The following RYR1 variants were observed in gnomAD, a reference collection of about 807,000 sequenced individuals.
The protein encoded by RYR1 is central core disease of muscle.
A neutral mutation model predicts 583.5 loss-of-function variants in RYR1; 342 were observed. That is an observed-to-expected ratio of 0.59 (90% CI 0.54 to 0.64). RYR1 has a LOEUF of 0.64. Ranked by LOEUF, RYR1 falls within the 30% of genes least tolerant of loss-of-function variation. The pLI is 0.00. For missense variants in RYR1, 6,032 were observed against 6,917.2 expected (o/e 0.87, Z 4.54); for synonymous variants, 2,791 against 2,822.5 (o/e 0.99, Z 0.35).
intron 34 of RYR1, among the ~76,000 whole-genome samples, chr19:38,487,650 G>T (rs772410662): frequency 2.0e-5 from 3 of 150,294 alleles, no homozygotes; most frequent in Non-Finnish European, 3.0e-5. Flanking sequence ...CCGTGTCCAG[G>T]CAAGACAGGG....
intron 90 of RYR1, 91 bp from the exon 91 acceptor site, chr19:38,564,868 G>T (rs551310799): frequency 2.6e-6 from 4 of 1,525,984 alleles, no homozygotes; most frequent in Admixed American, 2.0e-5. Context: ...AGCGCCTGCC[G>T]CGGTGACCCC....
In RYR1 at chr19:38,561,030, G is replaced by A. The variant is rs1292645780; in HGVS notation, c.12283-83G>A. ...CACTCCAGCCTGGGCGACACAGCGAGACCTTGTCTTAAAAAAAAAAAAAAA... is the reference window on the plus strand; with the variant it reads ...CACTCCAGCCTGGGCGACACAGCGAAACCTTGTCTTAAAAAAAAAAAAAAA... On this transcript the variant is annotated intron_variant, in intron 89 of 105. Coordinates refer to ENST00000359596, the MANE Select transcript of RYR1 (RefSeq NM_000540.3). The surrounding 1 kb of genome is among the most constrained non-coding windows in gnomAD (Gnocchi z 4.8). 66 of 1,299,404 alleles carry A rather than the reference G, an allele frequency of 5.1e-5. No individual in the cohort carries two copies. Among genetic ancestry groups the A allele is most frequent in the Non-Finnish European group, 6.1e-5 (56 of 925,458 alleles). The allele number at this position is 1,299,404 out of a possible 1,614,324, so 80.5% of individuals were successfully genotyped here.
intron 99 of RYR1, among the ~76,000 whole-genome samples, chr19:38,578,877 G>A (rs905018660): frequency 1.3e-5 from 2 of 152,082 alleles, no homozygotes; most frequent in Non-Finnish European, 2.9e-5. Flanking sequence ...TTTGGGAGGC[G>A]GAGGCAGAGG....
At chr19:38,491,716 A>AC (rs1424674727) in intron 37 of RYR1, among the ~76,000 whole-genome samples, 3 of 152,152 alleles carry the variant, frequency 2.0e-5, no homozygotes, top group African/African-American at 7.2e-5. Context: ...GGTGTGAGCC[A>AC]CTGCACCTGG....
intron 89 of RYR1, among the ~76,000 whole-genome samples, chr19:38,556,876 GTT>G: frequency 6.6e-6 from 1 of 152,026 alleles, no homozygotes; most frequent in South Asian, 2.1e-4. Context: ...CTCAGCCAAA[GTT>G]CGAGCAGATT....
At chr19:38,460,025 G>A (rs919963970) in intron 19 of RYR1, among the ~76,000 whole-genome samples, 2 of 152,152 alleles carry the variant, frequency 1.3e-5, no homozygotes, top group East Asian at 3.9e-4. Context: ...CTTCTCAAAT[G>A]ACCTTCTTAT....
At chr19:38,454,067 C>T (rs1432780815) in intron 13 of RYR1, among the ~76,000 whole-genome samples, 3 of 152,146 alleles carry the variant, frequency 2.0e-5, no homozygotes, top group African/African-American at 7.2e-5. Context: ...AACAGAGTCT[C>T]TCTCTGTCAC....
At chr19:38,439,558 G>A (rs1972577799) in intron 1 of RYR1, among the ~76,000 whole-genome samples, 1 of 152,162 alleles carries the variant, frequency 6.6e-6, no homozygotes, top group Non-Finnish European at 1.5e-5. Context: ...CCAGGCTGGA[G>A]TGCAATGGCT....
intron 38 of RYR1, among the ~76,000 whole-genome samples, chr19:38,494,057 C>T (rs1969684478): frequency 6.6e-6 from 1 of 152,058 alleles, no homozygotes; most frequent in South Asian, 2.1e-4. Flanking sequence ...TAACCCTAGC[C>T]CTTTGGGAGG....
At chr19:38,443,489 G>A in intron 3 of RYR1, 69 bp from the exon 4 acceptor site, 1 of 1,422,534 alleles carries the variant, frequency 7.0e-7, no homozygotes, top group Non-Finnish European at 9.8e-7. Flanking sequence ...CTGTGACTAG[G>A]CCAGACCTCT....
chr19:38,567,906 G>T lies in RYR1; in HGVS notation c.13648G>T (p.Val4550Leu), dbSNP rs1172565170. 2 of 1,613,492 alleles carry T rather than the reference G, an allele frequency of 1.2e-6. No individual in the cohort carries two copies. Among genetic ancestry groups the T allele is most frequent in the Non-Finnish European group, 1.7e-6 (2 of 1,179,966 alleles). ...CTGGGGAGAACTGGAGGTGCAGAGGGTGAAGTTCCTGGTAAGGATCCAGCC... is the reference window on the plus strand; with the variant it reads ...CTGGGGAGAACTGGAGGTGCAGAGGTTGAAGTTCCTGGTAAGGATCCAGCC... Reference protein sequence around the residue: ...EFWGELEVQRVKFLNYLSRNF... With the variant: ...EFWGELEVQRLKFLNYLSRNF... Residue 4550 changes from valine (V) to leucine (L), a missense_variant, in exon 93 of 106, where the codon GTG becomes TTG. By Grantham distance (32) the Val-to-Leu change is conservative. Coordinates refer to ENST00000359596, the MANE Select transcript of RYR1 (RefSeq NM_000540.3).
At position 38,466,235 on chromosome 19, in the gene RYR1, C is replaced by A; in HGVS notation, c.3015C>A (p.Ser1005Arg). The stretch of plus-strand genomic sequence containing the variant: ...GAGACCGCGTGGGCCAGGGCTGGAG[C>A]TACAGCGCAGTGCAGGACATCCCAG... ...WARDRVGQGW[S>R]YSAVQDIPAR... The change falls in exon 24 of 106, where the codon AGC becomes AGA. Residue 1005 changes from serine (S) to arginine (R), a missense_variant. Coordinates refer to ENST00000359596, the MANE Select transcript of RYR1 (RefSeq NM_000540.3). The A allele has an allele frequency of 6.2e-7, 1 of 1,613,436 alleles. No individual in the cohort carries two copies. Among genetic ancestry groups the A allele is most frequent in the Non-Finnish European group, 8.5e-7 (1 of 1,179,958 alleles).
rs1568581720 is a variant in RYR1, at chr19:38,564,986, T to C, written c.12652T>C (p.Phe4218Leu). 22 of 1,591,364 alleles carry C rather than the reference T, an allele frequency of 1.4e-5. No homozygotes were observed. The highest frequency in any genetic ancestry group is 1.9e-5 in the Non-Finnish European group (22 of 1,169,718). ...GAAGGAGTCCAAGCGCCAGTTCATC[T>C]TCGACGTGGTGAACGAGGGCGGCGA... ...QVKESKRQFI[F>L]DVVNEGGEAE... The change falls in exon 91 of 106, where the codon TTC (phenylalanine) becomes CTC (leucine). Residue 4218 changes from phenylalanine (F) to leucine (L), a missense_variant. Around this residue, in one of 11 missense-constraint regions of RYR1, gnomAD observed 753 missense variants for 759.6 expected, o/e 0.99. Coordinates refer to ENST00000359596, the MANE Select transcript of RYR1 (RefSeq NM_000540.3).
rs1297797035 is a variant in RYR1 at position 38,455,581 on chromosome 19, T to C, written c.1672+35T>C. Reference sequence around the variant, plus strand: ...CCCGGGGGAGTGGGACAGAGGCTTGTGGGAGGGGATGGGCATGGCCGCTTC... The same window carrying C: ...CCCGGGGGAGTGGGACAGAGGCTTGCGGGAGGGGATGGGCATGGCCGCTTC... On this transcript the variant is annotated intron_variant, in intron 15 of 105. Coordinates refer to ENST00000359596, the MANE Select transcript of RYR1 (RefSeq NM_000540.3). 7.4e-6 allele frequency: 12 copies of C among 1,611,320 alleles called. No individual in the cohort carries two copies. The East Asian group carries it at 1.3e-4, about 18-fold the overall frequency.
intron 34 of RYR1, among the ~76,000 whole-genome samples, chr19:38,487,029 T>TC (rs1332124629): frequency 6.6e-6 from 1 of 152,200 alleles, no homozygotes; most frequent in East Asian, 1.9e-4. Context: ...TTCCATCTGT[T>TC]CATCTATCCA....
intron 9 of RYR1, among the ~76,000 whole-genome samples, chr19:38,447,125 T>C (rs1041278274): frequency 6.6e-6 from 1 of 152,092 alleles, no homozygotes; most frequent in Non-Finnish European, 1.5e-5. Context: ...TTTGTGGGGC[T>C]GAGGTGGGAG....
intron 11 of RYR1, among the ~76,000 whole-genome samples, chr19:38,449,919 G>T (rs1197765008): frequency 6.6e-6 from 1 of 152,148 alleles, no homozygotes; most frequent in Non-Finnish European, 1.5e-5. Context: ...TAGAGACGAG[G>T]TCTCATTATA....
intron 91 of RYR1, among the ~76,000 whole-genome samples, chr19:38,566,225 G>A (rs1018085811): frequency 4.0e-5 from 6 of 151,840 alleles, no homozygotes; most frequent in Non-Finnish European, 5.9e-5. Flanking sequence ...GAGGCGGGCC[G>A]ATCACCTGAG....
At chr19:38,521,980 T>A (rs1157590071) in intron 67 of RYR1, among the ~76,000 whole-genome samples, 1 of 151,868 alleles carries the variant, frequency 6.6e-6, no homozygotes, top group Non-Finnish European at 1.5e-5. Flanking sequence ...AGTGCTGGGA[T>A]TACAGGCATG....
Sources: allele counts gnomAD v4.1 joint callset (sites outside exome capture counted in the v4.1 genomes callset), GRCh38; gene constraint gnomAD v4.1.1; regional missense constraint gnomAD v4.1.1; non-coding constraint Gnocchi (gnomAD v3.1); transcripts MANE v1.5; gene names NCBI Gene and HGNC (gene_info 2026-07-23, HGNC 2026-07-21).